CACNA1E: variants seen among roughly 807,000 people sequenced by gnomAD.
The protein encoded by CACNA1E is calcium voltage-gated channel subunit alpha1 E.
CACNA1E carries 40 observed loss-of-function variants against 259.2 expected under a neutral mutation model. That is an observed-to-expected ratio of 0.15 (90% CI 0.12 to 0.20). CACNA1E has a LOEUF of 0.20. Ranked by LOEUF, CACNA1E falls within the 10% of genes least tolerant of loss-of-function variation. The pLI, the probability that CACNA1E is intolerant of heterozygous loss-of-function variation, is 1.00. For missense variants in CACNA1E, 1,874 were observed against 3,040.1 expected, an observed-to-expected ratio of 0.62 and a Z score of 9.02; for synonymous variants, 1,104 against 1,138.5, an observed-to-expected ratio of 0.97 and a Z score of 0.61.
At chr1:181,641,865 C>A (rs942389029) in intron 6 of CACNA1E, among the ~76,000 whole-genome samples, 2 of 151,792 alleles carry the variant, frequency 1.3e-5, no homozygotes, top group Admixed American at 6.6e-5. Flanking sequence ...AGGCATGCGT[C>A]ACCACACCCA....
At chr1:181,425,945 T>C (rs568722160) in intron 2 of CACNA1E, among the ~76,000 whole-genome samples, 2 of 152,130 alleles carry the variant, frequency 1.3e-5, no homozygotes, top group Non-Finnish European at 2.9e-5. Context: ...TCAGCCTCAC[T>C]GCTGTTCTAA....
chr1:181,781,225 G>A (rs1660398549), intron 38 of CACNA1E, among the ~76,000 whole-genome samples: 1 of 152,074 alleles, frequency 6.6e-6, no homozygotes, highest in African/African-American at 2.4e-5. Context: ...TGATTAACAG[G>A]TTTCCTATTC....
Position 181,793,759 on chromosome 1 carries a change from C to T in CACNA1E, c.5993C>T (p.Ala1998Val). ...DTQEHAGSGRASSMPRLTVDP... is the reference protein window; with the variant it reads ...DTQEHAGSGRVSSMPRLTVDP... ...CAGGAGCATGCGGGATCTGGGAGGGCATCTTCTATGCCACGTCTGACTGTG... is the reference window on the plus strand; with the variant it reads ...CAGGAGCATGCGGGATCTGGGAGGGTATCTTCTATGCCACGTCTGACTGTG... The change falls in exon 45 of 48, where the codon GCA becomes GTA. Residue 1998 changes from alanine (A) to valine (V), a missense_variant. Ala to Val is a moderately conservative substitution (Grantham distance 64, BLOSUM62 0). This residue lies in a region of CACNA1E where 542 missense variants were observed against 587.2 expected (regional missense o/e 0.92). Coordinates refer to ENST00000367573, the MANE Select transcript of CACNA1E (RefSeq NM_001205293.3). 6.2e-7 allele frequency: 1 copy of T among 1,611,780 alleles called. No homozygotes were observed. Among genetic ancestry groups the T allele is most frequent in the South Asian group, 1.1e-5 (1 of 90,700 alleles).
intron 3 of CACNA1E, among the ~76,000 whole-genome samples, chr1:181,550,881 T>C (rs568990868): frequency 2.6e-5 from 4 of 152,078 alleles, no homozygotes; most frequent in African/African-American, 9.7e-5. Flanking sequence ...GATCGGTGCC[T>C]TAATTTTAGC....
At chr1:181,381,595 A>G (rs550002532) in intron 1 of CACNA1E, among the ~76,000 whole-genome samples, 1 of 152,300 alleles carries the variant, frequency 6.6e-6, no homozygotes, top group South Asian at 2.1e-4. Context: ...GATTTTGGTA[A>G]TGTTTCATAT....
At chr1:181,330,543 A>T (rs1651180776) in intron 1 of CACNA1E, among the ~76,000 whole-genome samples, 1 of 152,212 alleles carries the variant, frequency 6.6e-6, no homozygotes. Context: ...CCGACCCCAG[A>T]TTCTGTCATG....
chr1:181,334,133 A>G (rs1199334946), intron 1 of CACNA1E, among the ~76,000 whole-genome samples: 1 of 151,964 alleles, frequency 6.6e-6, no homozygotes, highest in Non-Finnish European at 1.5e-5. Flanking sequence ...CCAGCAGTCA[A>G]CTCTCAGTTT....
At chr1:181,414,722 T>C (rs146780880) in intron 2 of CACNA1E, among the ~76,000 whole-genome samples, 187 of 152,366 alleles carry the variant, frequency 1.2e-3, no homozygotes, top group Non-Finnish European at 8.7e-4. Context: ...ATTAGCCACA[T>C]GTAACCAATG....
intron 1 of CACNA1E, among the ~76,000 whole-genome samples, chr1:181,411,046 C>T (rs184171512): frequency 8.5e-5 from 13 of 152,212 alleles, no homozygotes; most frequent in East Asian, 3.9e-4. Flanking sequence ...ATGTAGAGCA[C>T]GGGACACTTC....
intron 8 of CACNA1E, 123 bp from the exon 9 acceptor site, chr1:181,715,215 G>A: frequency 1.5e-6 from 1 of 645,320 alleles, no homozygotes; most frequent in African/African-American, 1.8e-5. Context: ...TGGTGCCTGT[G>A]ACAGGCTCTG....
intron 47 of CACNA1E, 75 bp downstream of exon 47, chr1:181,796,933 G>A: frequency 8.8e-7 from 1 of 1,138,300 alleles, no homozygotes; most frequent in Non-Finnish European, 1.2e-6. Context: ...TGCAAGTCGT[G>A]AGCATTTCGC....
intron 25 of CACNA1E, among the ~76,000 whole-genome samples, chr1:181,747,082 C>T (rs923774006): frequency 2.0e-5 from 3 of 152,216 alleles, no homozygotes; most frequent in South Asian, 2.1e-4. Context: ...GTGAGACACT[C>T]GAGGCTCCTC....
chr1:181,499,336 CT>C (rs1665045671), intron 1 of CACNA1E, among the ~76,000 whole-genome samples: 1 of 152,166 alleles, frequency 6.6e-6, no homozygotes, highest in South Asian at 2.1e-4. Context: ...CTTTAGATCC[CT>C]TTCTTTTAGA....
chr1:181,550,425 A>G (rs764933767), intron 3 of CACNA1E, among the ~76,000 whole-genome samples: 3 of 152,168 alleles, frequency 2.0e-5, no homozygotes, highest in Admixed American at 6.5e-5. Context: ...AGTTGAAACC[A>G]TAGACATGGG....
At chr1:181,532,612 C>G (rs1215433451) in intron 3 of CACNA1E, among the ~76,000 whole-genome samples, 8 of 152,214 alleles carry the variant, frequency 5.3e-5, no homozygotes, top group African/African-American at 1.9e-4. Flanking sequence ...ACTTCCAGAC[C>G]AGTGATTCTG....
Position 181,789,048 on chromosome 1 carries a change from G to A in CACNA1E, c.5787-1397G>A, listed in dbSNP as rs140952763. Among the ~76,000 whole-genome samples the A allele has an allele frequency of 2.6e-5, 4 of 152,180 alleles. No homozygotes were observed. The East Asian group carries it at 5.8e-4, about 22-fold the overall frequency. On this transcript the variant is annotated intron_variant, in intron 43 of 47. Transcript: ENST00000367573. ...ACTGCTGGCTAATTTTTTTTGTAGA[G>A]ACAGGTCTTGCTTTGTTGCCCAGGT...
At chr1:181,770,251 G>A (rs934252418) in intron 35 of CACNA1E, among the ~76,000 whole-genome samples, 3 of 152,148 alleles carry the variant, frequency 2.0e-5, no homozygotes, top group Admixed American at 6.5e-5. Flanking sequence ...CAGTAAGTCC[G>A]CGATTGTCTC....
chr1:181,781,410 C>T lies in CACNA1E; in HGVS notation c.5268-17C>T. On this transcript the variant is annotated splice_polypyrimidine_tract_variant and intron_variant, in intron 38 of 47. Coordinates refer to ENST00000367573, the MANE Select transcript of CACNA1E (RefSeq NM_001205293.3). The stretch of plus-strand genomic sequence containing the variant: ...CGCTAACCCACCCCATCCCAACTCA[C>T]CACCCTCCATGAGCAGTGGCCGCAT... The T allele has an allele frequency of 1.4e-6, 2 of 1,420,836 alleles. No homozygotes were observed. The highest frequency in any genetic ancestry group is 1.4e-5 in the African/African-American group (1 of 71,160). The allele number at this position is 1,420,836 out of a possible 1,614,324, so 88.0% of individuals were successfully genotyped here.
At chr1:181,621,930 G>A (rs955200379) in intron 6 of CACNA1E, among the ~76,000 whole-genome samples, 8 of 152,152 alleles carry the variant, frequency 5.3e-5, no homozygotes, top group Non-Finnish European at 1.2e-4. Context: ...CATACCTGAT[G>A]CAGCCATGAG....
Sources: allele counts gnomAD v4.1 joint callset (sites outside exome capture counted in the v4.1 genomes callset), GRCh38; gene constraint gnomAD v4.1.1; regional missense constraint gnomAD v4.1.1; transcripts MANE v1.5; gene names NCBI Gene and HGNC (gene_info 2026-07-23, HGNC 2026-07-21).